Variants in TAOK3 observed in about 807,000 individuals in gnomAD.
TAOK3 encodes the protein TAO kinase 3.
In TAOK3, 40 loss-of-function variants were observed where a neutral mutation model predicts 120.4. The observed-to-expected ratio is 0.33, with a 90% CI of 0.26 to 0.43. The LOEUF (loss-of-function observed/expected upper bound fraction) is 0.43, where lower values mean the gene tolerates loss of function less well. Among genes scored for constraint, TAOK3 ranks in the 20% least tolerant of loss-of-function variants. The probability of loss-of-function intolerance (pLI) is 1.00; values close to 1 mark genes in which losing one functional copy is unlikely to be tolerated. For synonymous variants in TAOK3, 355 were observed against 387.5 expected (o/e 0.92, Z 0.99); for missense variants, 821 against 1,112.1 (o/e 0.74, Z 3.72).
chr12:118,169,322 C>A (rs1164667906), intron 17 of TAOK3, among the ~76,000 whole-genome samples: 2 of 119,920 alleles, frequency 1.7e-5, no homozygotes, highest in Admixed American at 1.8e-4. Flanking sequence ...CCCCACCCCC[C>A]CCCCTTTTTT....
chr12:118,199,324 G>T, intron 12 of TAOK3, 67 bp from the exon 13 acceptor site: 1 of 1,303,038 alleles, frequency 7.7e-7, no homozygotes, highest in Non-Finnish European at 1.1e-6. Context: ...ATTGACAAAA[G>T]TGTCAAGCAC....
At chr12:118,316,436 T>C (rs2043461017) in intron 1 of TAOK3, among the ~76,000 whole-genome samples, 1 of 152,130 alleles carries the variant, frequency 6.6e-6, no homozygotes, top group Non-Finnish European at 1.5e-5. Context: ...TTTTTTACTC[T>C]CTCTTAGAGG....
chr12:118,258,127 T>C (rs963886521), intron 2 of TAOK3, among the ~76,000 whole-genome samples: 2 of 152,144 alleles, frequency 1.3e-5, no homozygotes, highest in Non-Finnish European at 2.9e-5. Context: ...ATGAATTGTA[T>C]GGGAGAGTTG....
rs1051268596 is a variant in TAOK3, at chr12:118,285,146, G to T, written c.-193-18387C>A. Among the ~76,000 whole-genome samples the T allele has an allele frequency of 6.6e-5, 10 of 151,708 alleles. No individual in the cohort carries two copies. In the South Asian group the frequency reaches 1.0e-3, roughly 16 times the overall value. On this transcript the variant is annotated intron_variant, in intron 1 of 20. Transcript: ENST00000392533. ...TAATCTATATATATCTATATATATA[G>T]ATTCTCATGCCTCAGCCTCCTGAGT... is the stretch of plus-strand genomic sequence containing the variant.
At chr12:118,335,492 C>G (rs1422214156) in intron 1 of TAOK3, among the ~76,000 whole-genome samples, 1 of 152,072 alleles carries the variant, frequency 6.6e-6, no homozygotes, top group Non-Finnish European at 1.5e-5. Flanking sequence ...AAGAATTTCC[C>G]AAGCCCAGCT....
intron 1 of TAOK3, among the ~76,000 whole-genome samples, chr12:118,355,769 C>T (rs1480747477): frequency 6.6e-6 from 1 of 152,210 alleles, no homozygotes; most frequent in Non-Finnish European, 1.5e-5. Context: ...GCACACTGAG[C>T]TCTTCCTTTA....
chr12:118,364,085 G>C (rs2045680586), intron 1 of TAOK3, among the ~76,000 whole-genome samples: 1 of 152,066 alleles, frequency 6.6e-6, no homozygotes, highest in Non-Finnish European at 1.5e-5. Flanking sequence ...GCAGTGAGTG[G>C]AGATGGCGCC....
At chr12:118,217,230 T>C (rs916957597) in intron 9 of TAOK3, among the ~76,000 whole-genome samples, 4 of 152,090 alleles carry the variant, frequency 2.6e-5, no homozygotes, top group Middle Eastern at 3.4e-3. Context: ...ACAGCCAGAG[T>C]AGTTAAAACA....
intron 1 of TAOK3, among the ~76,000 whole-genome samples, chr12:118,269,518 GCAC>G (rs2041612307): frequency 6.6e-6 from 1 of 150,974 alleles, no homozygotes; most frequent in Non-Finnish European, 1.5e-5. Context: ...TTACAGGCGT[GCAC>G]CACCACGCCT....
chr12:118,299,345 T>C (rs1273354068), intron 1 of TAOK3, among the ~76,000 whole-genome samples: 1 of 152,152 alleles, frequency 6.6e-6, no homozygotes, highest in Non-Finnish European at 1.5e-5. Context: ...TTTATAGCTA[T>C]CTTGAGTTCA....
chr12:118,183,334 A>G (rs1156763816), intron 14 of TAOK3, among the ~76,000 whole-genome samples: 1 of 152,230 alleles, frequency 6.6e-6, no homozygotes, highest in Non-Finnish European at 1.5e-5. Flanking sequence ...TTATCAAAGT[A>G]CACCATTAAA....
At chr12:118,322,067 C>T (rs1039691131) in intron 1 of TAOK3, among the ~76,000 whole-genome samples, 2 of 152,110 alleles carry the variant, frequency 1.3e-5, no homozygotes, top group Non-Finnish European at 2.9e-5. Flanking sequence ...GTAATCCCAG[C>T]ACTTTGGGAG....
chr12:118,214,100 C>T lies in TAOK3; in HGVS notation c.654G>A (p.Lys218=), dbSNP rs761130207. 1 of 1,608,758 alleles carries T rather than the reference C, an allele frequency of 6.2e-7. No homozygotes were observed. Among genetic ancestry groups the T allele is most frequent in the East Asian group, 2.2e-5 (1 of 44,634 alleles). ...TTGCATTCATGTTGAAAAGGGGCGG[C>T]TTCCGTTCCGCTGGAAGAGGAAAGA... is the stretch of plus-strand genomic sequence containing the variant. ...GITCIELAER[K]PPLFNMNAMS... The change falls in exon 10 of 21, where the codon AAG becomes AAA. Residue 218 remains lysine (K), a synonymous_variant. Transcript: ENST00000392533.
intron 5 of TAOK3, 39 bp from the exon 6 acceptor site, chr12:118,239,311 T>C (rs1047869177): frequency 1.6e-6 from 2 of 1,267,128 alleles, no homozygotes; most frequent in African/African-American, 3.0e-5. Context: ...TAATGAAAGT[T>C]AATTTAAAAA....
intron 8 of TAOK3, 152 bp downstream of exon 8, chr12:118,235,406 T>G (rs2039980121): frequency 1.8e-6 from 1 of 570,994 alleles, no homozygotes; most frequent in African/African-American, 1.9e-5. Context: ...GTGTTTCTTT[T>G]TATGCCAGTG....
At chr12:118,303,893 C>A (rs970970110) in intron 1 of TAOK3, among the ~76,000 whole-genome samples, 12 of 152,248 alleles carry the variant, frequency 7.9e-5, no homozygotes, top group Admixed American at 3.9e-4. Context: ...GGTGATCCAC[C>A]TGCCTTGGCC....
At chr12:118,203,215 A>G (rs1459425473) in intron 11 of TAOK3, among the ~76,000 whole-genome samples, 1 of 152,142 alleles carries the variant, frequency 6.6e-6, no homozygotes, top group African/African-American at 2.4e-5. Flanking sequence ...CAGTTGTTCA[A>G]TTTATCCAGA....
chr12:118,225,945 G>A (rs887669592), intron 9 of TAOK3, among the ~76,000 whole-genome samples: 1 of 152,156 alleles, frequency 6.6e-6, no homozygotes, highest in Non-Finnish European at 1.5e-5. Flanking sequence ...TAGTGTTAAA[G>A]AGATGTTAAA....
chr12:118,318,356 C>T (rs1247255657), intron 1 of TAOK3, among the ~76,000 whole-genome samples: 3 of 152,034 alleles, frequency 2.0e-5, no homozygotes, highest in African/African-American at 7.3e-5. Context: ...CAGGGTTTCA[C>T]CATGTTGGCC....
Sources: gnomAD v4.1 joint callset for allele counts (sites outside exome capture counted in the v4.1 genomes callset) on GRCh38, gnomAD v4.1.1 for gene constraint, MANE v1.5 for transcripts, NCBI Gene and HGNC (gene_info 2026-07-23, HGNC 2026-07-21) for gene names.